Variants in PPP3R1 observed in about 807,000 individuals in gnomAD.
The protein encoded by PPP3R1 is calcineurin subunit B type 1.
A neutral mutation model predicts 22.6 loss-of-function variants in PPP3R1; 5 were observed. That is an observed-to-expected ratio of 0.22 (90% CI 0.12 to 0.46). PPP3R1 has a LOEUF of 0.46. Ranked by LOEUF, PPP3R1 falls within the 20% of genes least tolerant of loss-of-function variation. PPP3R1 has a pLI of 0.99. For missense variants in PPP3R1, 61 were observed against 203.2 expected, an observed-to-expected ratio of 0.30 and a Z score of 4.25; for synonymous variants, 56 against 65.2, an observed-to-expected ratio of 0.86 and a Z score of 0.68.
At chr2:68,217,342 A>T (rs533576533) in intron 1 of PPP3R1, among the ~76,000 whole-genome samples, 1 of 152,308 alleles carries the variant, frequency 6.6e-6, no homozygotes, top group Admixed American at 6.5e-5. Context: ...GTTCTGACTT[A>T]TGACTCTGTC....
At chr2:68,245,193 A>T (rs1329563505) in intron 1 of PPP3R1, among the ~76,000 whole-genome samples, 2 of 152,124 alleles carry the variant, frequency 1.3e-5, no homozygotes, top group African/African-American at 4.8e-5. Context: ...CAACATGGCA[A>T]GACCCTGTCT....
intron 1 of PPP3R1, among the ~76,000 whole-genome samples, chr2:68,244,244 T>A (rs1003845317): frequency 3.9e-5 from 6 of 152,160 alleles, no homozygotes; most frequent in African/African-American, 1.4e-4. Context: ...AAAACCCCTG[T>A]TTTCTAGATT....
intron 2 of PPP3R1, among the ~76,000 whole-genome samples, chr2:68,210,275 C>T (rs1162313865): frequency 6.6e-6 from 1 of 152,192 alleles, no homozygotes; most frequent in Non-Finnish European, 1.5e-5. Flanking sequence ...TTAACATAAG[C>T]TCCCTGGGTC....
chr2:68,224,830 T>C (rs1669753474), intron 1 of PPP3R1, among the ~76,000 whole-genome samples: 1 of 152,060 alleles, frequency 6.6e-6, no homozygotes, highest in East Asian at 1.9e-4. Flanking sequence ...CAAATGATGC[T>C]ACAACAACTG....
At chr2:68,250,817 A>AC (rs148916743) in intron 1 of PPP3R1, among the ~76,000 whole-genome samples, 9,908 of 152,288 alleles carry the variant, frequency 0.065, 391 homozygotes, top group Middle Eastern at 0.21. Flanking sequence ...AAGCTGACTT[A>AC]CCTGAATATT....
chr2:68,247,205 G>A (rs1477801599), intron 1 of PPP3R1, among the ~76,000 whole-genome samples: 5 of 152,040 alleles, frequency 3.3e-5, no homozygotes, highest in Admixed American at 1.3e-4. Flanking sequence ...CATCTGCCTC[G>A]GCCTCCCAAA....
At chr2:68,231,140 C>T (rs1669888754) in intron 1 of PPP3R1, among the ~76,000 whole-genome samples, 1 of 152,126 alleles carries the variant, frequency 6.6e-6, no homozygotes, top group Admixed American at 6.5e-5. Flanking sequence ...TTTTTATAGA[C>T]TCATGGTTCC....
chr2:68,187,308 A>C lies in PPP3R1; in HGVS notation c.227T>G (p.Ile76Ser). 6.2e-7 allele frequency: 1 copy of C among 1,609,842 alleles called. No homozygotes were observed. The highest frequency in any genetic ancestry group is 8.5e-7 in the Non-Finnish European group (1 of 1,177,700). The change falls in exon 4 of 6, where the codon ATT (isoleucine) becomes AGT (serine). Residue 76 changes from isoleucine (I) to serine (S), a missense_variant. Physicochemically the swap from Ile to Ser is moderately radical, Grantham distance 142 (BLOSUM62 -2). Transcript: ENST00000234310. The stretch of plus-strand genomic sequence containing the variant: ...GACACTGAACTGAGAGACGCCCTCA[A>C]TGAATTCTGAATAAGAGTTAAAAAT... ...GNGEVDFKEFIEGVSQFSVKG... is the reference protein window; with the variant it reads ...GNGEVDFKEFSEGVSQFSVKG...
At chr2:68,208,699 C>G (rs898563328) in intron 2 of PPP3R1, among the ~76,000 whole-genome samples, 32 of 151,914 alleles carry the variant, frequency 2.1e-4, no homozygotes, top group African/African-American at 7.7e-4. Context: ...CTCTGGGAGG[C>G]CAAGGAAGGT....
chr2:68,227,084 T>C (rs1669797213), intron 1 of PPP3R1, among the ~76,000 whole-genome samples: 1 of 152,076 alleles, frequency 6.6e-6, no homozygotes, highest in African/African-American at 2.4e-5. Context: ...CTCTGAAATA[T>C]TCAAAGCTTT....
intron 1 of PPP3R1, among the ~76,000 whole-genome samples, chr2:68,231,750 A>G (rs768769291): frequency 1.1e-4 from 16 of 152,230 alleles, no homozygotes; most frequent in Non-Finnish European, 2.9e-5. Context: ...AACAACTTCT[A>G]GTAAAGTAGG....
chr2:68,227,254 G>A (rs779413489), intron 1 of PPP3R1, among the ~76,000 whole-genome samples: 7 of 151,864 alleles, frequency 4.6e-5, no homozygotes, highest in African/African-American at 1.2e-4. Flanking sequence ...ACTGACAATC[G>A]TAATAGAATA....
intron 1 of PPP3R1, among the ~76,000 whole-genome samples, chr2:68,220,657 A>G (rs375047503): frequency 6.6e-6 from 1 of 152,266 alleles, no homozygotes; most frequent in African/African-American, 2.4e-5. Flanking sequence ...GCACAACAGC[A>G]TAAGATTCAC....
chr2:68,245,026 C>G (rs1207400022), intron 1 of PPP3R1, among the ~76,000 whole-genome samples: 2 of 152,178 alleles, frequency 1.3e-5, no homozygotes, highest in African/African-American at 4.8e-5. Context: ...TCAGTATTTT[C>G]TTAATCTTCA....
chr2:68,209,323 C>T (rs1208936437), intron 2 of PPP3R1, among the ~76,000 whole-genome samples: 25 of 113,792 alleles, frequency 2.2e-4, no homozygotes, highest in African/African-American at 8.4e-4. Context: ...CCCGCCACTG[C>T]ACTCCAGCCT....
intron 2 of PPP3R1, among the ~76,000 whole-genome samples, chr2:68,191,854 T>G (rs1327717880): frequency 1.3e-5 from 2 of 152,174 alleles, no homozygotes; most frequent in African/African-American, 4.8e-5. Context: ...TAAACCTTAT[T>G]TCCCCATTTT....
At chr2:68,251,356 C>G (rs1312565710) in intron 1 of PPP3R1, among the ~76,000 whole-genome samples, 2 of 152,140 alleles carry the variant, frequency 1.3e-5, no homozygotes, top group Admixed American at 1.3e-4. Context: ...AAGAGAGAGA[C>G]ACAAGAAGGT....
chr2:68,182,856 G>C (rs1282368617), intron 5 of PPP3R1, among the ~76,000 whole-genome samples: 1 of 151,794 alleles, frequency 6.6e-6, no homozygotes, highest in Non-Finnish European at 1.5e-5. Context: ...TCCTTTGCTG[G>C]GTGTTCTATG....
intron 1 of PPP3R1, among the ~76,000 whole-genome samples, chr2:68,229,134 C>T (rs1029253211): frequency 2.0e-5 from 3 of 152,078 alleles, no homozygotes; most frequent in African/African-American, 7.2e-5. Flanking sequence ...CCTCTCCCAC[C>T]TCATCCACTC....
Sources: gnomAD v4.1 joint callset for allele counts (sites outside exome capture counted in the v4.1 genomes callset) on GRCh38, gnomAD v4.1.1 for gene constraint, MANE v1.5 for transcripts, NCBI Gene and HGNC (gene_info 2026-07-23, HGNC 2026-07-21) for gene names.